Variants in ITGAX observed in about 807,000 individuals in gnomAD.
The protein encoded by ITGAX is integrin subunit alpha X.
Under a neutral mutation model 140.2 loss-of-function variants are expected in ITGAX, and 99 were observed. That is an observed-to-expected ratio of 0.71 (90% CI 0.60 to 0.83). The LOEUF is 0.83. Among genes scored for constraint, ITGAX ranks in the 40% least tolerant of loss-of-function variants. The probability of loss-of-function intolerance (pLI) is 0.00; values close to 1 mark genes in which losing one functional copy is unlikely to be tolerated. For missense variants in ITGAX, 1,444 were observed against 1,482.0 expected (o/e 0.97, Z 0.42); for synonymous variants, 631 against 600.4 (o/e 1.05, Z -0.75).
chr16:31,366,626 C>T (rs1028443407), intron 14 of ITGAX, among the ~76,000 whole-genome samples: 2 of 152,240 alleles, frequency 1.3e-5, no homozygotes, highest in African/African-American at 4.8e-5. Flanking sequence ...AGTGATTCTC[C>T]TGCCTCAGCC....
chr16:31,366,759 G>T (rs901820979), intron 14 of ITGAX, among the ~76,000 whole-genome samples: 3 of 152,190 alleles, frequency 2.0e-5, no homozygotes, highest in Non-Finnish European at 4.4e-5. Context: ...TAAGTGATCT[G>T]CCTGCCTTGG....
In ITGAX at chr16:31,382,400, C is replaced by T. The variant is rs1199421488; in HGVS notation, c.*493C>T. The T allele has an allele frequency of 2.6e-6, 4 of 1,531,870 alleles. No homozygotes were observed. The African/African-American group carries it at 4.1e-5, about 16-fold the overall frequency. The allele number at this position is 1,531,870 out of a possible 1,614,324, so 94.9% of individuals were successfully genotyped here. ...AGCTGGGACTACAGGCACACGCCACCTCGCCCGGCCCGATCTTTCTAAAAT... is the reference window on the plus strand; with the variant it reads ...AGCTGGGACTACAGGCACACGCCACTTCGCCCGGCCCGATCTTTCTAAAAT... On this transcript the variant is annotated 3_prime_UTR_variant, in exon 30 of 30. Transcript: ENST00000268296.
chr16:31,368,819 A>C (rs1439968857), intron 14 of ITGAX, among the ~76,000 whole-genome samples: 2 of 151,410 alleles, frequency 1.3e-5, no homozygotes, highest in African/African-American at 2.4e-5. Flanking sequence ...CTTAACGAGC[A>C]TGCTGCCTTC....
At position 31,382,228 on chromosome 16, in the gene ITGAX, CTTTT is replaced by C. The variant is rs61575806; in HGVS notation, c.*333_*336del. The C allele has an allele frequency of 1.0e-5, 9 of 903,544 alleles. No individual in the cohort carries two copies. Among genetic ancestry groups the C allele is most frequent in the East Asian group, 6.0e-5 (1 of 16,606 alleles). 56.0% of individuals were successfully genotyped at this position (903,544 alleles called of 1,614,324 possible). On this transcript the variant is annotated 3_prime_UTR_variant, in exon 30 of 30. Transcript: ENST00000268296. Reference sequence around the variant, plus strand: ...GGCACGAATGATCTTTCTTTCCTTTCTTTTTTTTTTTTTTTCTTTTCTTTTTTTT... The same window carrying C: ...GGCACGAATGATCTTTCTTTCCTTTCTTTTTTTTTTTCTTTTCTTTTTTTT...
At chr16:31,379,922 T>C (rs973186325) in intron 25 of ITGAX, 58 bp downstream of exon 25, 1 of 1,607,636 alleles carries the variant, frequency 6.2e-7, no homozygotes. Flanking sequence ...GGATTCCTTG[T>C]GCCCCATGTG....
chr16:31,379,373 T>C (rs1333978161), intron 23 of ITGAX, among the ~76,000 whole-genome samples, 195 bp from the exon 24 acceptor site: 2 of 152,098 alleles, frequency 1.3e-5, no homozygotes, highest in Non-Finnish European at 2.9e-5. Context: ...CATCTCAGCA[T>C]CTCAAAGTGC....
At chr16:31,362,255 T>G in intron 11 of ITGAX, 51 bp downstream of exon 11, 1 of 1,482,668 alleles carries the variant, frequency 6.7e-7, no homozygotes, top group Non-Finnish European at 9.1e-7. Context: ...CTGCCCAGGG[T>G]GGGGTCCAGG....
At chr16:31,380,210 T>C in intron 26 of ITGAX, 56 bp from the exon 27 acceptor site, 1 of 1,577,382 alleles carries the variant, frequency 6.3e-7, no homozygotes, top group Non-Finnish European at 8.7e-7. Flanking sequence ...CGCATAATGC[T>C]GCCTCCCACC....
At chr16:31,355,825 CG>C in intron 1 of ITGAX, 67 bp from the exon 2 acceptor site, 1 of 1,249,788 alleles carries the variant, frequency 8.0e-7, no homozygotes, top group Non-Finnish European at 1.2e-6. Flanking sequence ...ACGCTGGGGC[CG>C]GGGGTGGAGG....
In ITGAX at chr16:31,361,111, A is replaced by T; in HGVS notation, c.910A>T (p.Ile304Phe). The T allele has an allele frequency of 6.2e-7, 1 of 1,613,774 alleles. No homozygotes were observed. The highest frequency in any genetic ancestry group is 8.5e-7 in the Non-Finnish European group (1 of 1,179,928). Reference protein sequence around the residue: ...NRNSWKELNDIASKPSQEHIF... With the variant: ...NRNSWKELNDFASKPSQEHIF... ...AAATTCTTGGAAAGAATTAAATGACATTGCATCGAAGCCCTCCCAGGAACA... is the reference window on the plus strand; with the variant it reads ...AAATTCTTGGAAAGAATTAAATGACTTTGCATCGAAGCCCTCCCAGGAACA... Residue 304 changes from isoleucine to phenylalanine, a missense_variant, in exon 9 of 30, where the codon ATT (isoleucine) becomes TTT (phenylalanine). Physicochemically the swap from Ile to Phe is conservative, Grantham distance 21. Coordinates refer to ENST00000268296, the MANE Select transcript of ITGAX (RefSeq NM_000887.5).
In ITGAX at chr16:31,363,148, C is replaced by G. The variant is rs776801909; in HGVS notation, c.1501-17C>G. On this transcript the variant is annotated splice_polypyrimidine_tract_variant and intron_variant, in intron 13 of 29. Coordinates refer to ENST00000268296, the MANE Select transcript of ITGAX (RefSeq NM_000887.5). ...GGGGTTGCCCGGGTTGGGCCTGGCA[C>G]TGCTTTTTTTCTGCAGTGGAGAAGG... 6.2e-7 allele frequency: 1 copy of G among 1,608,476 alleles called. No homozygotes were observed. Among genetic ancestry groups the G allele is most frequent in the Admixed American group, 1.7e-5 (1 of 58,764 alleles).
At chr16:31,360,552 G>A in intron 8 of ITGAX, 89 bp downstream of exon 8, 1 of 1,276,278 alleles carries the variant, frequency 7.8e-7, no homozygotes, top group Non-Finnish European at 1.1e-6. Context: ...CTTTGAGACA[G>A]GGTCTTGCTC....
In ITGAX at chr16:31,362,086, T is replaced by C; in HGVS notation, c.1098T>C (p.Val366=). 1 of 1,614,104 alleles carries C rather than the reference T, an allele frequency of 6.2e-7. No individual in the cohort carries two copies. ...TCCTTTTCTCCCAGGATGGCCCCGT[T>C]CTGGGGGCTGTGGGGAGCTTCACCT... is the stretch of plus-strand genomic sequence containing the variant. ...FSAVFTPDGP[V]LGAVGSFTWS... Residue 366 remains valine, a synonymous_variant, in exon 11 of 30, where the codon GTT becomes GTC. Transcript: ENST00000268296.
In ITGAX at chr16:31,357,297, C is replaced by T. The variant is rs1198797107; in HGVS notation, c.363C>T (p.Tyr121=). 7 of 1,608,816 alleles carry T rather than the reference C, an allele frequency of 4.4e-6. No individual in the cohort carries two copies. The highest frequency in any genetic ancestry group is 5.9e-6 in the Non-Finnish European group (7 of 1,178,362). The change falls in exon 5 of 30, where the codon TAC becomes TAT. Residue 121 remains tyrosine, a synonymous_variant. Transcript: ENST00000268296. ...TVHHECGRNM[Y]LTGLCFLLGP... ...ACCACGAGTGCGGGAGGAACATGTA[C>T]CTCACCGGACTCTGCTTCCTCCTGG... is the stretch of plus-strand genomic sequence containing the variant.
chr16:31,379,142 TGA>T (rs1006888151), intron 23 of ITGAX, among the ~76,000 whole-genome samples: 12 of 150,944 alleles, frequency 7.9e-5, no homozygotes, highest in Non-Finnish European at 1.2e-4. Flanking sequence ...TGTTTTTTTT[TGA>T]GAGAGAGAGA....
intron 10 of ITGAX, 59 bp downstream of exon 10, chr16:31,361,968 C>G (rs898360101): frequency 3.1e-6 from 5 of 1,612,146 alleles, no homozygotes; most frequent in Non-Finnish European, 4.2e-6. Flanking sequence ...CAGGGAAGGC[C>G]AGGGTGGGTG....
At chr16:31,363,430 T>A (rs2080859851) in intron 14 of ITGAX, 56 bp downstream of exon 14, 1 of 1,578,140 alleles carries the variant, frequency 6.3e-7, no homozygotes, top group Admixed American at 1.7e-5. Context: ...CCTCTCCCAC[T>A]CTGTCATACT....
intron 5 of ITGAX, chr16:31,357,687 C>A: frequency 2.3e-6 from 1 of 428,952 alleles, no homozygotes; most frequent in Non-Finnish European, 4.1e-6. Flanking sequence ...CAGGCGACAG[C>A]CCCATGAAGG....
At chr16:31,379,102 A>G (rs767816134) in intron 23 of ITGAX, among the ~76,000 whole-genome samples, 4 of 149,448 alleles carry the variant, frequency 2.7e-5, no homozygotes, top group Non-Finnish European at 5.9e-5. Context: ...AGGCGTGAGC[A>G]CTGTGCCTGG....
Sources: allele counts gnomAD v4.1 joint callset (sites outside exome capture counted in the v4.1 genomes callset), GRCh38; gene constraint gnomAD v4.1.1; transcripts MANE v1.5; gene names NCBI Gene and HGNC (gene_info 2026-07-23, HGNC 2026-07-21).